Variants in OXR1 observed in about 807,000 individuals in gnomAD.
OXR1 encodes oxidation resistance protein 1.
In OXR1, 41 loss-of-function variants were observed where a neutral mutation model predicts 104.6. The ratio of observed to expected loss-of-function variants is 0.39; its 90% CI spans 0.31 to 0.51. The LOEUF is 0.51. Among genes scored for constraint, OXR1 ranks in the 20% least tolerant of loss-of-function variants. The pLI is 0.77. For missense variants in OXR1, 955 were observed against 1,031.9 expected (o/e 0.93, Z 1.02); for synonymous variants, 348 against 348.4 (o/e 1.00, Z 0.01).
intron 3 of OXR1, among the ~76,000 whole-genome samples, chr8:106,543,361 C>T (rs908622988): frequency 6.6e-6 from 1 of 151,866 alleles, no homozygotes; most frequent in Non-Finnish European, 1.5e-5. Flanking sequence ...GTTAATGATT[C>T]TGAACACTGC....
rs900126142 is a variant in OXR1, at chr8:106,326,592, T to C, written c.-138-32884T>C. Among the ~76,000 whole-genome samples the C allele has an allele frequency of 2.6e-5, 4 of 152,210 alleles. No individual in the cohort carries two copies. In the East Asian group the frequency reaches 7.7e-4, roughly 29 times the overall value. ...TGCCGCAGGGCAATTTTAAATACAG[T>C]TGTCAAGGGAGGACTTCTTGAGAAA... is the stretch of plus-strand genomic sequence containing the variant. On this transcript the variant is annotated intron_variant, in intron 1 of 16. Transcript: ENST00000517566.
chr8:106,611,856 TC>T (rs1449951964), intron 3 of OXR1, among the ~76,000 whole-genome samples: 1 of 152,132 alleles, frequency 6.6e-6, no homozygotes, highest in African/African-American at 2.4e-5. Context: ...AGTTTTTACA[TC>T]AGTTTTCGGC....
intron 3 of OXR1, chr8:106,657,871 C>A (rs1224105059): frequency 4.8e-6 from 6 of 1,241,444 alleles, no homozygotes; most frequent in African/African-American, 1.6e-5. Context: ...GTGAGGCGCG[C>A]GGAGCCGCCT....
intron 2 of OXR1, among the ~76,000 whole-genome samples, chr8:106,505,172 G>A (rs183736873): frequency 7.4e-4 from 113 of 152,270 alleles, no homozygotes; most frequent in Non-Finnish European, 9.7e-4. Context: ...AATTTCTTGC[G>A]AAAGATTTGG....
intron 1 of OXR1, among the ~76,000 whole-genome samples, chr8:106,338,242 A>C (rs10087546): frequency 0.6 from 91,433 of 151,832 alleles, 28,039 homozygotes; most frequent in African/African-American, 0.73. Flanking sequence ...TCCGAATCAG[A>C]TTAATAAGGA....
At chr8:106,469,863 A>C (rs532262826) in intron 2 of OXR1, among the ~76,000 whole-genome samples, 2 of 151,990 alleles carry the variant, frequency 1.3e-5, no homozygotes, top group East Asian at 3.9e-4. Flanking sequence ...AGGTCTGTAG[A>C]CCTCATTGAA....
At chr8:106,433,890 G>A (rs1001502410) in intron 2 of OXR1, among the ~76,000 whole-genome samples, 2 of 152,022 alleles carry the variant, frequency 1.3e-5, no homozygotes, top group Admixed American at 1.3e-4. Flanking sequence ...TTTTTTCCTT[G>A]TAGATGTATA....
chr8:106,304,360 C>CA (rs1043001835), intron 1 of OXR1, among the ~76,000 whole-genome samples: 1 of 152,056 alleles, frequency 6.6e-6, no homozygotes, highest in Admixed American at 6.5e-5. Flanking sequence ...CAGCTATTCT[C>CA]AAAAAATGTT....
chr8:106,362,921 G>C (rs1816307973), intron 2 of OXR1, among the ~76,000 whole-genome samples: 1 of 152,238 alleles, frequency 6.6e-6, no homozygotes, highest in South Asian at 2.1e-4. Context: ...GAGGGTCTCA[G>C]TATGTTGATA....
intron 9 of OXR1, among the ~76,000 whole-genome samples, chr8:106,710,005 A>G (rs1253360392): frequency 6.6e-6 from 1 of 152,116 alleles, no homozygotes; most frequent in African/African-American, 2.4e-5. Context: ...TAAGCTAATC[A>G]ATGTCTGGGT....
intron 4 of OXR1, 23 bp downstream of exon 4, chr8:106,679,315 A>T: frequency 7.4e-7 from 1 of 1,349,870 alleles, no homozygotes; most frequent in Non-Finnish European, 1.0e-6. Context: ...CTTTCGAAAA[A>T]GCTATTTTTC....
At chr8:106,372,409 T>A (rs1024629304) in intron 2 of OXR1, among the ~76,000 whole-genome samples, 1 of 137,556 alleles carries the variant, frequency 7.3e-6, no homozygotes, top group African/African-American at 3.5e-5. Context: ...CTTATTATGT[T>A]TTTTTTTTTT....
chr8:106,595,550 C>CAAAAA (rs67790797), intron 3 of OXR1, among the ~76,000 whole-genome samples: 79 of 58,062 alleles, frequency 1.4e-3, no homozygotes, highest in African/African-American at 1.7e-3. Context: ...AACTCCGTCT[C>CAAAAA]AAAAAAAAAA....
intron 2 of OXR1, among the ~76,000 whole-genome samples, chr8:106,475,268 A>G (rs1231978839): frequency 1.3e-5 from 2 of 152,002 alleles, no homozygotes; most frequent in Non-Finnish European, 2.9e-5. Context: ...TATGTATTAT[A>G]TACTGTATTC....
intron 1 of OXR1, among the ~76,000 whole-genome samples, chr8:106,344,398 C>G (rs2130282183): frequency 6.6e-6 from 1 of 152,302 alleles, no homozygotes; most frequent in South Asian, 2.1e-4. Flanking sequence ...AGAGCAGTGG[C>G]ACAATCTCGG....
intron 3 of OXR1, among the ~76,000 whole-genome samples, chr8:106,609,859 C>CACAT (rs1554603012): frequency 7.6e-4 from 115 of 151,736 alleles, no homozygotes; most frequent in Middle Eastern, 3.4e-3. Context: ...CACACACACA[C>CACAT]ATTTATGAGA....
chr8:106,629,395 A>G (rs1822475359), intron 3 of OXR1, among the ~76,000 whole-genome samples: 1 of 152,176 alleles, frequency 6.6e-6, no homozygotes, highest in African/African-American at 2.4e-5. Context: ...ATGGTCACCA[A>G]GTGAGTCAGT....
At chr8:106,323,016 A>G (rs1351320495) in intron 1 of OXR1, among the ~76,000 whole-genome samples, 1 of 152,154 alleles carries the variant, frequency 6.6e-6, no homozygotes, top group Non-Finnish European at 1.5e-5. Flanking sequence ...GACATTCTTC[A>G]GAGAACTAGA....
intron 3 of OXR1, among the ~76,000 whole-genome samples, chr8:106,534,552 A>G: frequency 6.6e-6 from 1 of 152,268 alleles, no homozygotes; most frequent in Non-Finnish European, 1.5e-5. Context: ...GTGACAGTAT[A>G]GTGTAGTGTA....
Sources: allele counts gnomAD v4.1 joint callset (sites outside exome capture counted in the v4.1 genomes callset), GRCh38; gene constraint gnomAD v4.1.1; transcripts MANE v1.5; gene names NCBI Gene and HGNC (gene_info 2026-07-23, HGNC 2026-07-21).